Variants in SHISAL1 observed in about 807,000 individuals in gnomAD.
The protein encoded by SHISAL1 is protein shisa-like-1.
SHISAL1 carries 9 observed loss-of-function variants against 22.6 expected under a neutral mutation model. The observed-to-expected ratio is 0.40, with a 90% confidence interval of 0.24 to 0.70. The LOEUF is 0.70. SHISAL1 is among the 30% of genes least tolerant of loss of function. SHISAL1 has a pLI of 0.39. For synonymous variants in SHISAL1, 119 were observed against 115.4 expected, an observed-to-expected ratio of 1.03 and a Z score of -0.20; for missense variants, 246 against 270.6, an observed-to-expected ratio of 0.91 and a Z score of 0.64.
At chr22:44,259,374 G>T (rs1278978248) in intron 4 of SHISAL1, among the ~76,000 whole-genome samples, 1 of 151,902 alleles carries the variant, frequency 6.6e-6, no homozygotes, top group Non-Finnish European at 1.5e-5. Flanking sequence ...GGAGGCGGAG[G>T]TTGCAGTGAG....
rs2055010349 is a variant in SHISAL1, at chr22:44,247,415, A to T, written c.*2270T>A. On this transcript the variant is annotated 3_prime_UTR_variant, in exon 5 of 5. Coordinates refer to ENST00000381176, the MANE Select transcript of SHISAL1 (RefSeq NM_001099294.2). ...GGCTTCCGCAGCTGGGCTAGTGGAC[A>T]GGCTGTGCACCCCCTTACGGCAACA... 1 of 152,318 alleles carries T rather than the reference A, an allele frequency of 6.6e-6. No homozygotes were observed. The highest frequency in any genetic ancestry group is 6.5e-5 in the Admixed American group (1 of 15,280). The allele number at this position is 152,318 out of a possible 1,614,324, so 9.4% of individuals were successfully genotyped here.
intron 4 of SHISAL1, among the ~76,000 whole-genome samples, chr22:44,263,768 C>T (rs2055142836): frequency 6.6e-6 from 1 of 152,192 alleles, no homozygotes; most frequent in Admixed American, 6.5e-5. Context: ...AGGAAACAGA[C>T]TCACCCCCGT....
intron 4 of SHISAL1, among the ~76,000 whole-genome samples, chr22:44,257,861 G>T (rs1719119203): frequency 6.6e-6 from 1 of 152,196 alleles, no homozygotes. Flanking sequence ...AACTTTTAAG[G>T]CCAGGCACGG....
intron 1 of SHISAL1, among the ~76,000 whole-genome samples, chr22:44,308,646 G>A (rs2055496116): frequency 6.6e-6 from 1 of 152,210 alleles, no homozygotes; most frequent in Non-Finnish European, 1.5e-5. Flanking sequence ...GCTGTCTGGA[G>A]GCCATGCTAG....
intron 4 of SHISAL1, among the ~76,000 whole-genome samples, chr22:44,278,922 T>G (rs963863638): frequency 7.9e-5 from 12 of 152,126 alleles, no homozygotes; most frequent in African/African-American, 2.9e-4. Context: ...GGAGATTCCC[T>G]GCAGTCCCAC....
At chr22:44,277,849 A>G (rs929440352) in intron 4 of SHISAL1, among the ~76,000 whole-genome samples, 1 of 152,220 alleles carries the variant, frequency 6.6e-6, no homozygotes, top group Non-Finnish European at 1.5e-5. Context: ...TCGACGGGAC[A>G]TAATGTTGAA....
At chr22:44,324,848 T>C in the SHISAL1 span, among the ~76,000 whole-genome samples, 1 of 152,198 alleles carries the variant, frequency 6.6e-6, no homozygotes, top group South Asian at 2.1e-4. Context: ...CAAAGGCCTT[T>C]CTGTCCTAGG....
At chr22:44,313,903 G>C (rs2147314462), upstream of SHISAL1, among the ~76,000 whole-genome samples, 2 of 152,282 alleles carry the variant, frequency 1.3e-5, no homozygotes, top group South Asian at 4.1e-4. Flanking sequence ...AGACTGGTCT[G>C]GGTGCCCCTC....
At chr22:44,284,240 A>ATCTTT (rs2055295771) in intron 4 of SHISAL1, among the ~76,000 whole-genome samples, 1 of 151,596 alleles carries the variant, frequency 6.6e-6, no homozygotes, top group African/African-American at 2.4e-5. Flanking sequence ...GCCTCCAAAG[A>ATCTTT]GGAGGCAGCA....
intron 4 of SHISAL1, among the ~76,000 whole-genome samples, chr22:44,276,203 C>T (rs2055238615): frequency 1.3e-5 from 2 of 152,056 alleles, no homozygotes; most frequent in African/African-American, 4.8e-5. Context: ...CCCCTCTGAT[C>T]GGGTGACTCT....
intron 3 of SHISAL1, among the ~76,000 whole-genome samples, chr22:44,294,973 G>A (rs1038728520): frequency 6.6e-6 from 1 of 152,168 alleles, no homozygotes; most frequent in African/African-American, 2.4e-5. Flanking sequence ...GTATGGAAAT[G>A]TTTGACATCA....
intron 2 of SHISAL1, 95 bp downstream of exon 2, chr22:44,300,784 G>T: frequency 1.9e-6 from 2 of 1,036,948 alleles, no homozygotes; most frequent in Non-Finnish European, 3.0e-6. Context: ...AAGCCTCTGT[G>T]TGCCCCCAGA....
chr22:44,267,656 G>T (rs2055173561), intron 4 of SHISAL1, among the ~76,000 whole-genome samples: 1 of 152,150 alleles, frequency 6.6e-6, no homozygotes, highest in African/African-American at 2.4e-5. Context: ...AGACCTACCT[G>T]CATCTCCCAC....
upstream of SHISAL1, among the ~76,000 whole-genome samples, chr22:44,313,150 A>C (rs1569228826): frequency 6.6e-6 from 1 of 152,240 alleles, no homozygotes; most frequent in Non-Finnish European, 1.5e-5. Context: ...ACAGGTGAGC[A>C]AACTAGAGAC....
At chr22:44,315,807 C>G (rs571437013), upstream of SHISAL1, among the ~76,000 whole-genome samples, 1 of 152,140 alleles carries the variant, frequency 6.6e-6, no homozygotes, top group South Asian at 2.1e-4. Context: ...ATGAAGAACA[C>G]GCAGGGCCCT....
intron 1 of SHISAL1, among the ~76,000 whole-genome samples, chr22:44,308,547 C>T (rs2055495228): frequency 1.3e-5 from 2 of 152,222 alleles, no homozygotes; most frequent in Admixed American, 1.3e-4. Context: ...GGGTGGCCAC[C>T]TCTCAGGGCA....
intron 1 of SHISAL1, among the ~76,000 whole-genome samples, chr22:44,304,993 C>T (rs995235409): frequency 1.3e-5 from 2 of 152,192 alleles, no homozygotes; most frequent in Non-Finnish European, 2.9e-5. Flanking sequence ...CCCTACAAAG[C>T]CCTGAGTGTA....
At chr22:44,285,847 T>G (rs894952955) in intron 3 of SHISAL1, 102 bp from the exon 4 acceptor site, 1 of 1,033,834 alleles carries the variant, frequency 9.7e-7, no homozygotes, top group Non-Finnish European at 1.4e-6. Flanking sequence ...TGGGGCTATG[T>G]TGGGGTCCCC....
At chr22:44,277,537 G>A (rs1192900590) in intron 4 of SHISAL1, among the ~76,000 whole-genome samples, 3 of 152,230 alleles carry the variant, frequency 2.0e-5, no homozygotes, top group Non-Finnish European at 4.4e-5. Context: ...TGGAGGGTGA[G>A]TGAGTGCTGG....
Sources: gnomAD v4.1 joint callset for allele counts (sites outside exome capture counted in the v4.1 genomes callset) on GRCh38, gnomAD v4.1.1 for gene constraint, MANE v1.5 for transcripts, NCBI Gene and HGNC (gene_info 2026-07-23, HGNC 2026-07-21) for gene names.